ABLIM1: variants seen among roughly 807,000 people sequenced by gnomAD.
The protein encoded by ABLIM1 is actin binding LIM protein 1.
ABLIM1 carries 40 observed loss-of-function variants against 107.0 expected under a neutral mutation model. The ratio of observed to expected loss-of-function variants is 0.37; its 90% CI spans 0.29 to 0.49. The LOEUF (loss-of-function observed/expected upper bound fraction) is 0.49, where lower values mean the gene tolerates loss of function less well. Among genes scored for constraint, ABLIM1 ranks in the 20% least tolerant of loss-of-function variants. ABLIM1 has a pLI of 0.97. For missense variants in ABLIM1, 857 were observed against 1,008.5 expected, an observed-to-expected ratio of 0.85 and a Z score of 2.04; for synonymous variants, 357 against 357.3, an observed-to-expected ratio of 1.00 and a Z score of 0.01.
intron 1 of ABLIM1, among the ~76,000 whole-genome samples, chr10:114,738,137 C>A (rs2082219410): frequency 1.3e-5 from 2 of 152,174 alleles, no homozygotes; most frequent in Admixed American, 1.3e-4. Context: ...CAATGTCCGC[C>A]TCCCAGGTTC....
At chr10:114,648,236 T>G (rs999722577) in intron 1 of ABLIM1, among the ~76,000 whole-genome samples, 2 of 152,202 alleles carry the variant, frequency 1.3e-5, no homozygotes, top group Non-Finnish European at 2.9e-5. Context: ...CAAGTGTTCA[T>G]AGCAGCATTA....
intron 6 of ABLIM1, among the ~76,000 whole-genome samples, chr10:114,518,766 C>A (rs2063294862): frequency 1.3e-5 from 2 of 151,524 alleles, no homozygotes; most frequent in African/African-American, 4.8e-5. Flanking sequence ...GAAGTACAAA[C>A]AAGTGTACTT....
At chr10:114,563,785 G>A (rs959370286) in intron 4 of ABLIM1, among the ~76,000 whole-genome samples, 18 of 146,180 alleles carry the variant, frequency 1.2e-4, no homozygotes, top group African/African-American at 3.6e-4. Flanking sequence ...GGCGGAAGTC[G>A]CAGTGAGCCA....
rs1370560704 is a variant in ABLIM1 at position 114,730,415 on chromosome 10, AAAAAGAATTCCACGTAG to A, written c.-213+37629_-213+37645del. Among the ~76,000 whole-genome samples the A allele has an allele frequency of 6.1e-4, 92 of 150,526 alleles. 3 individuals carry two copies. The South Asian group carries it at 0.019, about 30-fold the overall frequency. On this transcript the variant is annotated intron_variant, in intron 1 of 15. Coordinates refer to the ABLIM1 transcript ENST00000651092. ...TCCATCTCAAAAAAAAAAAAAAAAA[AAAAAGAATTCCACGTAG>A]AGAAGGGCTGAGTAAGCACTATGAT...
chr10:114,518,544 T>C (rs941477866), intron 6 of ABLIM1, among the ~76,000 whole-genome samples: 1 of 151,924 alleles, frequency 6.6e-6, no homozygotes, highest in African/African-American at 2.4e-5. Flanking sequence ...TGGAGAATGT[T>C]TACTTTTTAC....
intron 1 of ABLIM1, among the ~76,000 whole-genome samples, chr10:114,691,550 C>T (rs2141716412): frequency 6.6e-6 from 1 of 152,268 alleles, no homozygotes; most frequent in South Asian, 2.1e-4. Context: ...AGGCATTTCT[C>T]TTTGGTGACT....
chr10:114,687,539 G>A (rs529823300), upstream of ABLIM1, among the ~76,000 whole-genome samples: 12 of 152,310 alleles, frequency 7.9e-5, no homozygotes, highest in East Asian at 9.6e-4. Context: ...TGATGCTGTC[G>A]TACCCTGGTA....
chr10:114,658,223 T>A lies in ABLIM1; in HGVS notation c.-23A>T, dbSNP rs767662947. ...CATCTTGGCATGGATTTCCAAGCAA[T>A]GAGAAATGGGGAGTGGGGACCCAAG... On this transcript the variant is annotated 5_prime_UTR_variant, in exon 1 of 23. Coordinates refer to ENST00000533213, the MANE Select transcript of ABLIM1 (RefSeq NM_002313.7). 1.3e-6 allele frequency: 2 copies of A among 1,591,902 alleles called. No homozygotes were observed. Among genetic ancestry groups the A allele is most frequent in the Non-Finnish European group, 1.7e-6 (2 of 1,165,138 alleles).
At chr10:114,663,455 AT>A (rs1479810056) in intron 1 of ABLIM1, among the ~76,000 whole-genome samples, 2 of 152,238 alleles carry the variant, frequency 1.3e-5, no homozygotes, top group Non-Finnish European at 2.9e-5. Context: ...TGTAAATAAC[AT>A]TTGGTAATTC....
At chr10:114,657,124 C>T (rs1262897333) in intron 1 of ABLIM1, among the ~76,000 whole-genome samples, 1 of 152,194 alleles carries the variant, frequency 6.6e-6, no homozygotes, top group Non-Finnish European at 1.5e-5. Context: ...CATCTTAACT[C>T]CAGTACTTCA....
intron 4 of ABLIM1, among the ~76,000 whole-genome samples, chr10:114,551,084 G>C (rs901608690): frequency 1.3e-5 from 2 of 152,120 alleles, no homozygotes; most frequent in Non-Finnish European, 2.9e-5. Context: ...AGGAAGACTC[G>C]GGCAAGTTAC....
rs1004409459 is a variant in ABLIM1, at chr10:114,547,792, C to A, written c.674-16G>T. On this transcript the variant is annotated splice_polypyrimidine_tract_variant and intron_variant, in intron 4 of 22. Transcript: ENST00000533213. The stretch of plus-strand genomic sequence containing the variant: ...CCGGCACAATCTGAAAAAGAGCAGC[C>A]GCCAGTGGTTACTACACATTTCCTT... The A allele has an allele frequency of 1.5e-5, 24 of 1,604,846 alleles. No individual in the cohort carries two copies. The highest frequency in any genetic ancestry group is 1.8e-5 in the Non-Finnish European group (21 of 1,179,816).
chr10:114,468,314 G>A (rs1018853035), intron 10 of ABLIM1, 98 bp from the exon 11 acceptor site: 36 of 1,206,172 alleles, frequency 3.0e-5, no homozygotes, highest in African/African-American at 7.5e-5. Context: ...TCGCTCTGTC[G>A]CCCAGGCTGG....
chr10:114,737,660 G>A (rs1300944409), intron 1 of ABLIM1, among the ~76,000 whole-genome samples: 2 of 152,138 alleles, frequency 1.3e-5, no homozygotes, highest in African/African-American at 4.8e-5. Flanking sequence ...TCAAGATGAT[G>A]TACTAAAGGA....
chr10:114,545,629 T>C (rs1406394649), intron 5 of ABLIM1, among the ~76,000 whole-genome samples: 1 of 152,030 alleles, frequency 6.6e-6, no homozygotes, highest in Admixed American at 6.6e-5. Flanking sequence ...ATATAGTTAT[T>C]AATATGACAC....
At chr10:114,502,982 T>C (rs1319459703) in intron 6 of ABLIM1, among the ~76,000 whole-genome samples, 1 of 152,230 alleles carries the variant, frequency 6.6e-6, no homozygotes, top group African/African-American at 2.4e-5. Context: ...TAGCTTTGCC[T>C]GTTTTCAGTT....
At chr10:114,487,824 C>G in intron 8 of ABLIM1, 134 bp downstream of exon 8, 1 of 1,119,430 alleles carries the variant, frequency 8.9e-7, no homozygotes, top group East Asian at 2.4e-5. Context: ...GCCAAATGGC[C>G]TTTGAACTTA....
chr10:114,440,966 C>T, intron 19 of ABLIM1, 51 bp downstream of exon 19: 1 of 1,534,254 alleles, frequency 6.5e-7, no homozygotes, highest in Non-Finnish European at 8.9e-7. Flanking sequence ...TCATGAACCT[C>T]AGCCTCGAGG....
At chr10:114,515,841 G>GGAAGCTGGAAGAGGCCA (rs757406541) in intron 6 of ABLIM1, among the ~76,000 whole-genome samples, 1 of 152,176 alleles carries the variant, frequency 6.6e-6, no homozygotes, top group African/African-American at 2.4e-5. Context: ...CCATAAGCAA[G>GGAAGCTGGAAGAGGCCA]GAAGCTGGAA....
Sources: allele counts gnomAD v4.1 joint callset (sites outside exome capture counted in the v4.1 genomes callset), GRCh38; gene constraint gnomAD v4.1.1; transcripts MANE v1.5; gene names NCBI Gene and HGNC (gene_info 2026-07-23, HGNC 2026-07-21).